Variants in PDE3A observed in about 807,000 individuals in gnomAD.
PDE3A encodes the protein phosphodiesterase 3A, also known as cGMP-inhibited 3',5'-cyclic phosphodiesterase 3A.
In PDE3A, 43 loss-of-function variants were observed where a neutral mutation model predicts 98.3. The ratio of observed to expected loss-of-function variants is 0.44; its 90% CI spans 0.34 to 0.56. PDE3A has a LOEUF of 0.56. Ranked by LOEUF, PDE3A falls within the 20% of genes least tolerant of loss-of-function variation. PDE3A has a pLI of 0.01. For synonymous variants in PDE3A, 663 were observed against 567.9 expected (o/e 1.17, Z -2.38); for missense variants, 1,427 against 1,440.7 (o/e 0.99, Z 0.15).
chr12:20,497,014 G>A (rs1481206773), intron 1 of PDE3A, among the ~76,000 whole-genome samples: 2 of 152,090 alleles, frequency 1.3e-5, no homozygotes, highest in South Asian at 2.1e-4. Context: ...AAGTTTCAGC[G>A]TTATCTTGGG....
At chr12:20,440,709 C>T (rs983837460) in intron 1 of PDE3A, among the ~76,000 whole-genome samples, 28 of 152,138 alleles carry the variant, frequency 1.8e-4, no homozygotes, top group African/African-American at 4.8e-4. Flanking sequence ...CAGTTGTTTA[C>T]AAGGATCCTT....
chr12:20,672,556 C>G (rs1378100267), intron 15 of PDE3A, among the ~76,000 whole-genome samples: 2 of 150,858 alleles, frequency 1.3e-5, no homozygotes, highest in Non-Finnish European at 2.9e-5. Context: ...ATATCTACAA[C>G]TATCTGATCT....
chr12:20,612,830 G>T (rs1404785021), intron 2 of PDE3A, among the ~76,000 whole-genome samples: 1 of 151,390 alleles, frequency 6.6e-6, no homozygotes, highest in Non-Finnish European at 1.5e-5. Context: ...GCTCTGATAG[G>T]CAGTTTGGCA....
intron 2 of PDE3A, among the ~76,000 whole-genome samples, chr12:20,564,542 T>A (rs1209572984): frequency 6.6e-6 from 1 of 152,110 alleles, no homozygotes; most frequent in African/African-American, 2.4e-5. Flanking sequence ...GGGGGGAATG[T>A]ACTCTTCCCA....
At chr12:20,573,140 A>C (rs1048912747) in intron 2 of PDE3A, among the ~76,000 whole-genome samples, 3 of 152,138 alleles carry the variant, frequency 2.0e-5, no homozygotes, top group Non-Finnish European at 4.4e-5. Flanking sequence ...AACATAAAAG[A>C]TTTAAAATAA....
At chr12:20,415,686 C>T (rs1944411022) in intron 1 of PDE3A, among the ~76,000 whole-genome samples, 1 of 152,206 alleles carries the variant, frequency 6.6e-6, no homozygotes, top group Non-Finnish European at 1.5e-5. Flanking sequence ...ATCTGCCCGC[C>T]TCGGCCTCCC....
At chr12:20,635,815 C>T (rs182723724) in intron 8 of PDE3A, among the ~76,000 whole-genome samples, 62 of 151,450 alleles carry the variant, frequency 4.1e-4, no homozygotes, top group African/African-American at 8.0e-4. Flanking sequence ...GTATTTCATC[C>T]GGATTAAACA....
chr12:20,613,348 C>T lies in PDE3A; in HGVS notation c.1012-95C>T, dbSNP rs1057026347. On this transcript the variant is annotated intron_variant, in intron 2 of 15. Coordinates refer to ENST00000359062, the MANE Select transcript of PDE3A (RefSeq NM_000921.5). Reference sequence around the variant, plus strand: ...TGTACTGAAATCCTAAAGAATCAGCCCAATTCATTTCTTAGTGAAAAAGTC... The same window carrying T: ...TGTACTGAAATCCTAAAGAATCAGCTCAATTCATTTCTTAGTGAAAAAGTC... 7.4e-5 allele frequency: 83 copies of T among 1,118,526 alleles called. 2 individuals carry two copies. In the South Asian group the frequency reaches 1.1e-3, roughly 15 times the overall value. The allele number at this position is 1,118,526 out of a possible 1,614,324, so 69.3% of individuals were successfully genotyped here.
In PDE3A at chr12:20,369,555, C is replaced by T; in HGVS notation, c.271C>T (p.Gln91Ter). The change falls in exon 1 of 16, where the codon CAG becomes TAG. Residue 91 changes from glutamine to a stop codon, truncating the protein, a stop_gained. Transcript: ENST00000359062. LOFTEE classifies it high-confidence loss of function. ...CGGGGAGGTCGGCTGTGACCTGGAG[C>T]AGTGTAAGGAGGCGGCGGCGGCGGA... is the stretch of plus-strand genomic sequence containing the variant. ...VRGEVGCDLE[Q>*]CKEAAAAEEE... 2 of 1,557,534 alleles carry T rather than the reference C, an allele frequency of 1.3e-6. No individual in the cohort carries two copies. The highest frequency in any genetic ancestry group is 1.7e-4 in the Middle Eastern group (1 of 5,902).
At chr12:20,667,678 G>T (rs1215340287) in intron 15 of PDE3A, among the ~76,000 whole-genome samples, 1 of 152,098 alleles carries the variant, frequency 6.6e-6, no homozygotes. Context: ...TACCCTTGAA[G>T]CATATTTTGA....
intron 6 of PDE3A, among the ~76,000 whole-genome samples, chr12:20,632,424 G>A (rs908699887): frequency 3.3e-5 from 5 of 152,144 alleles, no homozygotes; most frequent in Admixed American, 1.3e-4. Context: ...TTTAGAGTGG[G>A]TAGTCTGTGG....
chr12:20,660,230 A>G (rs890942349), intron 15 of PDE3A, among the ~76,000 whole-genome samples: 4 of 152,210 alleles, frequency 2.6e-5, no homozygotes, highest in Non-Finnish European at 4.4e-5. Context: ...CCCTTCCACC[A>G]TGATTATAAT....
chr12:20,508,483 T>G (rs141059931), intron 1 of PDE3A, among the ~76,000 whole-genome samples: 1 of 152,050 alleles, frequency 6.6e-6, no homozygotes, highest in African/African-American at 2.4e-5. Flanking sequence ...TACATAATAG[T>G]TGCTCAATGA....
chr12:20,620,180 T>C (rs1944099007), intron 4 of PDE3A, among the ~76,000 whole-genome samples: 1 of 152,010 alleles, frequency 6.6e-6, no homozygotes, highest in South Asian at 2.1e-4. Context: ...TATATGGCAA[T>C]CTCCATGCAT....
At chr12:20,645,846 C>G (rs1430034587) in intron 10 of PDE3A, among the ~76,000 whole-genome samples, 1 of 152,118 alleles carries the variant, frequency 6.6e-6, no homozygotes, top group Non-Finnish European at 1.5e-5. Flanking sequence ...AATGGCTTAG[C>G]TTCCTACATT....
intron 1 of PDE3A, among the ~76,000 whole-genome samples, chr12:20,539,602 C>T (rs1184880945): frequency 6.6e-6 from 1 of 151,990 alleles, no homozygotes; most frequent in African/African-American, 2.4e-5. Context: ...ATGCTTGGTG[C>T]AGGATAGGTG....
chr12:20,478,611 C>T lies in PDE3A; in HGVS notation c.961-78049C>T, dbSNP rs764527578. On this transcript the variant is annotated intron_variant, in intron 1 of 15. Transcript: ENST00000359062. ...AACAAGATTAAAAACTGCCTGTAAA[C>T]GTAATGGTGTAAATGTTTACTGTAA... Among the ~76,000 whole-genome samples the T allele has an allele frequency of 6.8e-4, 104 of 152,182 alleles. 1 individual carries two copies. The highest frequency in any genetic ancestry group is 2.3e-3 in the African/African-American group (94 of 41,534).
chr12:20,519,497 T>A (rs1946383579), intron 1 of PDE3A, among the ~76,000 whole-genome samples: 2 of 152,224 alleles, frequency 1.3e-5, no homozygotes, highest in Admixed American at 1.3e-4. Context: ...TGTGTGCTCA[T>A]AGAACACATT....
intron 15 of PDE3A, among the ~76,000 whole-genome samples, chr12:20,661,789 G>T (rs1237271430): frequency 6.6e-6 from 1 of 152,180 alleles, no homozygotes; most frequent in Non-Finnish European, 1.5e-5. Flanking sequence ...GAAGTTTGCT[G>T]CAGGGGTGGG....
Sources: allele counts gnomAD v4.1 joint callset (sites outside exome capture counted in the v4.1 genomes callset), GRCh38; gene constraint gnomAD v4.1.1; transcripts MANE v1.5; gene names NCBI Gene and HGNC (gene_info 2026-07-23, HGNC 2026-07-21).